Variants in ZNF585A observed in about 807,000 individuals in gnomAD.
The protein encoded by ZNF585A is zinc finger protein 585A.
Under a neutral mutation model 14.9 loss-of-function variants are expected in ZNF585A, and 9 were observed. The observed-to-expected ratio is 0.60, with a 90% CI of 0.36 to 1.05. ZNF585A has a LOEUF of 1.05. ZNF585A is among the 50% of genes least tolerant of loss of function. ZNF585A has a pLI of 0.01. For missense variants in ZNF585A, 726 were observed against 926.4 expected (o/e 0.78, Z 2.81); for synonymous variants, 276 against 319.9 (o/e 0.86, Z 1.46).
At position 37,150,615 on chromosome 19, in the gene ZNF585A, T is replaced by C. The variant is rs925182731; in HGVS notation, c.*974A>G. 6.6e-6 allele frequency: 1 copy of C among 152,134 alleles called. No individual in the cohort carries two copies. The highest frequency in any genetic ancestry group is 1.5e-5 in the Non-Finnish European group (1 of 68,028). The allele number at this position is 152,134 out of a possible 1,614,324, so 9.4% of individuals were successfully genotyped here. On this transcript the variant is annotated 3_prime_UTR_variant, in exon 5 of 5. Coordinates refer to ENST00000292841, the MANE Select transcript of ZNF585A (RefSeq NM_001288800.2). ...TAAGAGTAAGGTAAAACAGGAAAAA[T>C]GGCCAGGCGTCATGGCCCTTTCCAG... is the stretch of plus-strand genomic sequence containing the variant.
At chr19:37,165,090 G>A (rs1414479659) in intron 2 of ZNF585A, among the ~76,000 whole-genome samples, 5 of 152,026 alleles carry the variant, frequency 3.3e-5, no homozygotes, top group Non-Finnish European at 4.4e-5. Context: ...AGCTGGGTGC[G>A]GTGGCTCATG....
intron 2 of ZNF585A, among the ~76,000 whole-genome samples, chr19:37,167,690 C>T (rs1023289371): frequency 5.3e-5 from 8 of 151,748 alleles, no homozygotes; most frequent in East Asian, 1.9e-4. Context: ...GGCACGATCT[C>T]GGCTCACTAC....
In ZNF585A at chr19:37,148,956, CTA is replaced by C. The variant is rs1226025062; in HGVS notation, c.*2631_*2632del. ...ATGATATAAAAGATCAAAGGTAAAA[CTA>C]TGGAGACAGAAAAAATGTTGCCAGG... is the stretch of plus-strand genomic sequence containing the variant. On this transcript the variant is annotated 3_prime_UTR_variant, in exon 5 of 5. Coordinates refer to ENST00000292841, the MANE Select transcript of ZNF585A (RefSeq NM_001288800.2). The C allele has an allele frequency of 6.6e-6, 1 of 152,102 alleles. No homozygotes were observed. Among genetic ancestry groups the C allele is most frequent in the African/African-American group, 2.4e-5 (1 of 41,408 alleles). 9.4% of individuals were successfully genotyped at this position (152,102 alleles called of 1,614,324 possible). A position where few individuals can be genotyped will look rare whatever the true frequency, so the allele number is the denominator to read the frequency against.
rs749950759 is a variant in ZNF585A at position 37,153,066 on chromosome 19, G to T, written c.833C>A (p.Ala278Asp). 6.2e-7 allele frequency: 1 copy of T among 1,614,158 alleles called. No homozygotes were observed. The highest frequency in any genetic ancestry group is 1.7e-5 in the Admixed American group (1 of 60,022). Residue 278 changes from alanine (A) to aspartate (D), a missense_variant, in exon 5 of 5, where the codon GCC (alanine) becomes GAC (aspartate). This residue lies in a region of ZNF585A where 483 missense variants were observed against 542.8 expected (regional missense o/e 0.89). Transcript: ENST00000292841. ...AATCAAATGGGTCTTCTGGATGAAGGCCTGTCCGCATTCAATACAGATGTA... is the reference window on the plus strand; with the variant it reads ...AATCAAATGGGTCTTCTGGATGAAGTCCTGTCCGCATTCAATACAGATGTA... ...RSYICIECGQ[A>D]FIQKTHLIAH...
rs1028876160 is a variant in ZNF585A, at chr19:37,151,357, G to A, written c.*232C>T. On this transcript the variant is annotated 3_prime_UTR_variant, in exon 5 of 5. Coordinates refer to ENST00000292841, the MANE Select transcript of ZNF585A (RefSeq NM_001288800.2). ...CTTTTCCTATTCACCAAATTGACTC[G>A]GTTCCTTGTCAGTATGAATAATGAC... is the stretch of plus-strand genomic sequence containing the variant. 8.3e-5 allele frequency: 38 copies of A among 457,156 alleles called. No individual in the cohort carries two copies. Among genetic ancestry groups the A allele is most frequent in the Middle Eastern group, 5.6e-4 (1 of 1,798 alleles). 28.3% of individuals were successfully genotyped at this position (457,156 alleles called of 1,614,324 possible).
chr19:37,163,903 C>A (rs963650631), intron 2 of ZNF585A, among the ~76,000 whole-genome samples: 9 of 151,864 alleles, frequency 5.9e-5, no homozygotes, highest in Non-Finnish European at 1.0e-4. Context: ...CACACACACA[C>A]AAAAAAGCAC....
chr19:37,161,956 C>T (rs1972020084), intron 2 of ZNF585A, among the ~76,000 whole-genome samples: 1 of 152,184 alleles, frequency 6.6e-6, no homozygotes, highest in Non-Finnish European at 1.5e-5. Flanking sequence ...TGGAGTTTCA[C>T]TCTGTTACCC....
At chr19:37,163,653 T>C (rs1972044325) in intron 2 of ZNF585A, among the ~76,000 whole-genome samples, 1 of 152,040 alleles carries the variant, frequency 6.6e-6, no homozygotes, top group Admixed American at 6.5e-5. Flanking sequence ...AGAACTGTTA[T>C]CATTATTCAC....
In ZNF585A at chr19:37,150,854, G is replaced by C. The variant is rs1020343393; in HGVS notation, c.*735C>G. On this transcript the variant is annotated 3_prime_UTR_variant, in exon 5 of 5. Transcript: ENST00000292841. ...TCTTACCTCGGAAGCTTTCTTGAAG[G>C]TGATGGGAGTTCACAAGACACGGTG... 6.5e-6 allele frequency: 1 copy of C among 155,020 alleles called. No individual in the cohort carries two copies. Among genetic ancestry groups the C allele is most frequent in the African/African-American group, 2.4e-5 (1 of 41,472 alleles). 9.6% of individuals were successfully genotyped at this position (155,020 alleles called of 1,614,324 possible).
chr19:37,165,546 G>T, intron 2 of ZNF585A: 1 of 692,536 alleles, frequency 1.4e-6, no homozygotes, highest in Non-Finnish European at 1.8e-6. Context: ...CTTTGGAGTG[G>T]GTTGCTGAGA....
chr19:37,172,002 C>T (rs1220178281), intron 1 of ZNF585A, among the ~76,000 whole-genome samples: 1 of 151,808 alleles, frequency 6.6e-6, no homozygotes, highest in East Asian at 1.9e-4. Flanking sequence ...GAGTTGAGTA[C>T]TTTACCTTCC....
Position 37,152,921 on chromosome 19 carries a change from A to G in ZNF585A, c.978T>C (p.Tyr326=), listed in dbSNP as rs141756841. 6 of 1,614,234 alleles carry G rather than the reference A, an allele frequency of 3.7e-6. No homozygotes were observed. In the African/African-American group the frequency reaches 5.3e-5, roughly 14 times the overall value. Residue 326 remains tyrosine, a synonymous_variant, in exon 5 of 5, where the codon TAT becomes TAC. Transcript: ENST00000292841. ...HQRVHTRVKP[Y]ICTEYGKVFS... ...AGACCTTCCCATATTCGGTACATATATAGGGCTTCACTCTTGTGTGAACAC... is the reference window on the plus strand; with the variant it reads ...AGACCTTCCCATATTCGGTACATATGTAGGGCTTCACTCTTGTGTGAACAC...
In ZNF585A at chr19:37,145,916, A is replaced by G. The variant is rs1408092166; in HGVS notation, c.*5673T>C. The stretch of plus-strand genomic sequence containing the variant: ...GCATATAATAATGACAAGGATTCTG[A>G]TATTTGTTATAAAGTATAATTGTGT... On this transcript the variant is annotated 3_prime_UTR_variant, in exon 5 of 5. Transcript: ENST00000292841. 6.6e-6 allele frequency: 1 copy of G among 152,266 alleles called. No individual in the cohort carries two copies. Among genetic ancestry groups the G allele is most frequent in the Non-Finnish European group, 1.5e-5 (1 of 68,052 alleles). 9.4% of individuals were successfully genotyped at this position (152,266 alleles called of 1,614,324 possible). A position where few individuals can be genotyped will look rare whatever the true frequency, so the allele number is the denominator to read the frequency against.
chr19:37,168,970 G>A (rs1307624116), intron 2 of ZNF585A, among the ~76,000 whole-genome samples: 1 of 152,154 alleles, frequency 6.6e-6, no homozygotes, highest in Admixed American at 6.5e-5. Flanking sequence ...GGGGGTAGGT[G>A]GGGAACGGAG....
At chr19:37,156,457 A>C (rs1971933192) in intron 2 of ZNF585A, 102 bp from the exon 3 acceptor site, 2 of 1,411,608 alleles carry the variant, frequency 1.4e-6, no homozygotes, top group Admixed American at 5.4e-5. Flanking sequence ...TTAAATTTAC[A>C]TTCTCTTTTT....
intron 2 of ZNF585A, among the ~76,000 whole-genome samples, chr19:37,166,277 G>A (rs1362515454): frequency 1.3e-5 from 2 of 150,212 alleles, no homozygotes; most frequent in African/African-American, 4.9e-5. Flanking sequence ...GCCTCCCAAA[G>A]TGCTGGGATT....
chr19:37,167,082 C>T (rs201531585), intron 2 of ZNF585A, among the ~76,000 whole-genome samples: 1 of 151,586 alleles, frequency 6.6e-6, no homozygotes, highest in Non-Finnish European at 1.5e-5. Flanking sequence ...AATCCACCCA[C>T]TTCAGCCTCC....
chr19:37,151,230 C>T lies in ZNF585A; in HGVS notation c.*359G>A. The T allele has an allele frequency of 4.8e-6, 2 of 418,858 alleles. No individual in the cohort carries two copies. The highest frequency in any genetic ancestry group is 3.4e-5 in the East Asian group (1 of 29,846). 25.9% of individuals were successfully genotyped at this position (418,858 alleles called of 1,614,324 possible). A position where few individuals can be genotyped will look rare whatever the true frequency, so the allele number is the denominator to read the frequency against. On this transcript the variant is annotated 3_prime_UTR_variant, in exon 5 of 5. Coordinates refer to ENST00000292841, the MANE Select transcript of ZNF585A (RefSeq NM_001288800.2). ...GTTGTTTTATCATTCAATTTGTTGGCACTATACCTAATCCACAGTAAACAG... is the reference window on the plus strand; with the variant it reads ...GTTGTTTTATCATTCAATTTGTTGGTACTATACCTAATCCACAGTAAACAG...
At chr19:37,172,235 T>C (rs1046582735) in intron 1 of ZNF585A, 11 of 152,166 alleles carry the variant, frequency 7.2e-5, no homozygotes, top group Non-Finnish European at 1.2e-4. Context: ...AAATAACTCA[T>C]GGATCAAAGA....
Sources: allele counts gnomAD v4.1 joint callset (sites outside exome capture counted in the v4.1 genomes callset), GRCh38; gene constraint gnomAD v4.1.1; regional missense constraint gnomAD v4.1.1; transcripts MANE v1.5; gene names NCBI Gene and HGNC (gene_info 2026-07-23, HGNC 2026-07-21).